PPFIBP1: variants seen among roughly 807,000 people sequenced by gnomAD.
PPFIBP1 encodes the protein PPFIB scaffold protein 1.
In PPFIBP1, 112 loss-of-function variants were observed where a neutral mutation model predicts 137.8. That is an observed-to-expected ratio of 0.81 (90% CI 0.70 to 0.95). PPFIBP1 has a LOEUF of 0.95. Among genes scored for constraint, PPFIBP1 ranks in the 40% least tolerant of loss-of-function variants. PPFIBP1 has a pLI of 0.00. For synonymous variants in PPFIBP1, 378 were observed against 417.3 expected (o/e 0.91, Z 1.15); for missense variants, 1,083 against 1,196.6 (o/e 0.91, Z 1.40).
At chr12:27,652,075 T>C (rs575521401) in intron 7 of PPFIBP1, among the ~76,000 whole-genome samples, 60 of 152,346 alleles carry the variant, frequency 3.9e-4, no homozygotes, top group African/African-American at 1.4e-3. Flanking sequence ...ATAATTAAAA[T>C]AATCTTCAAC....
At position 27,535,391 on chromosome 12, in the gene PPFIBP1, T is replaced by TTTG. The variant is rs570614529; in HGVS notation, c.-124+11041_-124+11043dup. ...CATCTTTTTATTATACAATGTTGTT[T>TTTG]TTGTTGTTGTTGTTGTTTGTTTTGT... is the stretch of plus-strand genomic sequence containing the variant. On this transcript the variant is annotated intron_variant, in intron 1 of 29. Transcript: ENST00000228425. Among the ~76,000 whole-genome samples the TTTG allele has an allele frequency of 1.8e-4, 27 of 151,376 alleles. No homozygotes were observed. The East Asian group carries it at 5.2e-3, about 29-fold the overall frequency.
intron 1 of PPFIBP1, among the ~76,000 whole-genome samples, chr12:27,537,554 C>T (rs183973765): frequency 3.3e-5 from 5 of 152,286 alleles, no homozygotes; most frequent in Admixed American, 2.6e-4. Flanking sequence ...CAGCAGAGTT[C>T]TCATCCTGTG....
rs869044515 is a variant in PPFIBP1, at chr12:27,563,277, T to TAAAAAAAAAAAAAAAAAA, written c.-123-14862_-123-14845dup. Among the ~76,000 whole-genome samples the TAAAAAAAAAAAAAAAAAA allele has an allele frequency of 1.8e-4, 4 of 22,174 alleles. 1 individual carries two copies. The highest frequency in any genetic ancestry group is 7.1e-5 in the Non-Finnish European group (1 of 14,108). 14.5% of individuals were successfully genotyped at this position (22,174 alleles called of 152,430 possible). ...TAACACGGTGAAAACCCATCTCTAC[T>TAAAAAAAAAAAAAAAAAA]AAAAAAAAAAAAAAAAAAAAAAAAA... On this transcript the variant is annotated intron_variant, in intron 1 of 29. Transcript: ENST00000228425.
chr12:27,586,980 G>C (rs181430141), intron 2 of PPFIBP1, among the ~76,000 whole-genome samples: 2 of 152,242 alleles, frequency 1.3e-5, no homozygotes, highest in African/African-American at 4.8e-5. Flanking sequence ...ATTTCAAACG[G>C]CAGAGGACCT....
Position 27,671,557 on chromosome 12 carries a change from T to C in PPFIBP1, c.1262+11T>C. Reference sequence around the variant, plus strand: ...TTCATTTGAAGAAAAGTATGTCATTTATTAACAGTGCAATATAAATGTTCA... The same window carrying C: ...TTCATTTGAAGAAAAGTATGTCATTCATTAACAGTGCAATATAAATGTTCA... On this transcript the variant is annotated intron_variant, in intron 14 of 29. Transcript: ENST00000228425. 6.8e-7 allele frequency: 1 copy of C among 1,476,646 alleles called. No homozygotes were observed. Among genetic ancestry groups the C allele is most frequent in the Non-Finnish European group, 9.3e-7 (1 of 1,073,518 alleles). The allele number at this position is 1,476,646 out of a possible 1,614,324, so 91.5% of individuals were successfully genotyped here.
chr12:27,595,976 C>T (rs1039792332), intron 2 of PPFIBP1, among the ~76,000 whole-genome samples: 4 of 150,014 alleles, frequency 2.7e-5, no homozygotes, highest in South Asian at 2.1e-4. Context: ...GGTAGAAGGA[C>T]GAATGCATGG....
rs2060780970 is a variant in PPFIBP1, at chr12:27,679,923, T to C, written c.1767-10T>C. The C allele has an allele frequency of 6.2e-7, 1 of 1,614,046 alleles. No individual in the cohort carries two copies. Among genetic ancestry groups the C allele is most frequent in the Non-Finnish European group, 8.5e-7 (1 of 1,179,952 alleles). ...GGTCTAATACTGGCCATGTGTGTTG[T>C]CTTCTTTAGACTTAGGAGAAGTCAA... On this transcript the variant is annotated splice_polypyrimidine_tract_variant and intron_variant, in intron 20 of 29. Transcript: ENST00000228425.
At chr12:27,609,263 A>G (rs774972935) in intron 2 of PPFIBP1, among the ~76,000 whole-genome samples, 1 of 152,184 alleles carries the variant, frequency 6.6e-6, no homozygotes, top group Admixed American at 6.5e-5. Flanking sequence ...AGAAGTCTCA[A>G]ATCTAAAACT....
chr12:27,561,037 T>A (rs7970590), intron 1 of PPFIBP1, among the ~76,000 whole-genome samples: 149,202 of 152,274 alleles, frequency 0.98, 73,168 homozygotes, highest in East Asian at 1. Context: ...AGAATAACAG[T>A]AAAAAGTCTG....
intron 4 of PPFIBP1, among the ~76,000 whole-genome samples, chr12:27,645,730 C>T (rs1285128052): frequency 6.6e-6 from 1 of 152,184 alleles, no homozygotes; most frequent in Non-Finnish European, 1.5e-5. Flanking sequence ...ACTCGGGGTG[C>T]CCCCTACATA....
At chr12:27,584,259 C>A (rs1402264956) in intron 2 of PPFIBP1, 1 of 152,314 alleles carries the variant, frequency 6.6e-6, no homozygotes, top group Non-Finnish European at 1.5e-5. Flanking sequence ...TCAGGAACAC[C>A]AGGCAGCGCT....
In PPFIBP1 at chr12:27,673,809, G is replaced by A; in HGVS notation, c.1362G>A (p.Lys454=). The A allele has an allele frequency of 1.9e-6, 3 of 1,613,666 alleles. No homozygotes were observed. Among genetic ancestry groups the A allele is most frequent in the Non-Finnish European group, 2.5e-6 (3 of 1,179,696 alleles). Residue 454 remains lysine (K), a synonymous_variant, in exon 16 of 30, where the codon AAG becomes AAA. Coordinates refer to ENST00000228425, the MANE Select transcript of PPFIBP1 (RefSeq NM_003622.4). The stretch of plus-strand genomic sequence containing the variant: ...AGTCCAGCAGCCTGGGCAATCTGAA[G>A]AAAGAGACATCTGATGGGGTGGGTT... ...LQKSSSLGNL[K]KETSDGEKET... is the part of the protein sequence containing the mutation.
At chr12:27,672,385 A>G (rs1458033055) in intron 14 of PPFIBP1, 42 bp from the exon 15 acceptor site, 2 of 1,496,688 alleles carry the variant, frequency 1.3e-6, no homozygotes, top group South Asian at 2.3e-5. Context: ...ATGGTCTTTT[A>G]TTCGTGAAGT....
intron 2 of PPFIBP1, among the ~76,000 whole-genome samples, chr12:27,613,208 GA>G (rs1330508243): frequency 1.3e-5 from 2 of 152,210 alleles, no homozygotes; most frequent in Non-Finnish European, 2.9e-5. Flanking sequence ...GAGGAAAACA[GA>G]AACTCCCAAG....
chr12:27,691,708 A>G (rs370602754), intron 27 of PPFIBP1, 41 bp from the exon 28 acceptor site: 5 of 1,550,674 alleles, frequency 3.2e-6, no homozygotes, highest in East Asian at 4.5e-5. Flanking sequence ...TATGAATTTT[A>G]TCAAATCCTT....
At chr12:27,687,623 C>A in intron 25 of PPFIBP1, 116 bp downstream of exon 25, 1 of 1,228,108 alleles carries the variant, frequency 8.1e-7, no homozygotes, top group Non-Finnish European at 1.1e-6. Flanking sequence ...TAAAATCCAG[C>A]CTCATTTACT....
chr12:27,580,761 C>T (rs142371695), intron 2 of PPFIBP1, among the ~76,000 whole-genome samples: 24 of 152,332 alleles, frequency 1.6e-4, no homozygotes, highest in Non-Finnish European at 2.5e-4. Context: ...GTGTCCTTGA[C>T]ATGTCCCTCC....
chr12:27,590,013 A>C (rs1242100446), intron 2 of PPFIBP1, among the ~76,000 whole-genome samples: 1 of 151,846 alleles, frequency 6.6e-6, no homozygotes, highest in Non-Finnish European at 1.5e-5. Flanking sequence ...CCTGTTCTTG[A>C]CCCTACTGAC....
intron 4 of PPFIBP1, among the ~76,000 whole-genome samples, chr12:27,642,051 C>G (rs545529084): frequency 1.3e-5 from 2 of 152,264 alleles, no homozygotes; most frequent in South Asian, 4.1e-4. Flanking sequence ...TAGCACCTGC[C>G]ATGTAGAGTC....
Sources: gnomAD v4.1 joint callset for allele counts (sites outside exome capture counted in the v4.1 genomes callset) on GRCh38, gnomAD v4.1.1 for gene constraint, MANE v1.5 for transcripts, NCBI Gene and HGNC (gene_info 2026-07-23, HGNC 2026-07-21) for gene names.